TAF6L: variants seen among roughly 807,000 people sequenced by gnomAD.
The protein encoded by TAF6L is TATA-box binding protein associated factor 6 like.
Under a neutral mutation model 57.3 loss-of-function variants are expected in TAF6L, and 34 were observed. That is an observed-to-expected ratio of 0.59 (90% CI 0.45 to 0.79). TAF6L has a LOEUF of 0.79. Among genes scored for constraint, TAF6L ranks in the 30% least tolerant of loss-of-function variants. The pLI, the probability that TAF6L is intolerant of heterozygous loss-of-function variation, is 0.00. For synonymous variants in TAF6L, 417 were observed against 376.3 expected, an observed-to-expected ratio of 1.11 and a Z score of -1.25; for missense variants, 782 against 853.2, an observed-to-expected ratio of 0.92 and a Z score of 1.04.
At chr11:62,785,765 C>T (rs1419565357) in intron 9 of TAF6L, among the ~76,000 whole-genome samples, 1 of 148,550 alleles carries the variant, frequency 6.7e-6, no homozygotes, top group Non-Finnish European at 1.5e-5. Flanking sequence ...GAACTCCTGA[C>T]CTCAGGTGAT....
At chr11:62,771,722 G>C (rs1590931034) in intron 1 of TAF6L, 1 of 201,938 alleles carries the variant, frequency 5.0e-6, no homozygotes, top group East Asian at 1.4e-4. Flanking sequence ...CAGTTCCCAC[G>C]CCTCCTCTCC....
At chr11:62,778,411 C>T in intron 5 of TAF6L, 76 bp downstream of exon 5, 1 of 1,543,310 alleles carries the variant, frequency 6.5e-7, no homozygotes, top group Non-Finnish European at 8.9e-7. Flanking sequence ...CCTATGTGCC[C>T]CCGAGTCTGC....
In TAF6L at chr11:62,778,927, T is replaced by G. The variant is rs2084206864; in HGVS notation, c.495T>G (p.Thr165=). 6.2e-7 allele frequency: 1 copy of G among 1,613,984 alleles called. No homozygotes were observed. Among genetic ancestry groups the G allele is most frequent in the Admixed American group, 1.7e-5 (1 of 59,976 alleles). Residue 165 remains threonine, a synonymous_variant, in exon 6 of 11, where the codon ACT becomes ACG. Coordinates refer to ENST00000294168, the MANE Select transcript of TAF6L (RefSeq NM_006473.4). ...TTCTCAAGTACTATCACCAGGTGAC[T>G]CGTGCTGTGCTAGGGGATGATCCGC... ...DDLLKYYHQV[T]RAVLGDDPQL...
Position 62,786,378 on chromosome 11 carries a change from G to C in TAF6L, c.1079G>C (p.Gly360Ala). ...QVKADGHKVYGAILVAVERLL... is the reference protein window; with the variant it reads ...QVKADGHKVYAAILVAVERLL... ...AAAGCAGATGGACACAAAGTCTATG[G>C]AGCCATTCTGGTGAGTACCGTCCCC... Residue 360 changes from glycine to alanine, a missense_variant, in exon 10 of 11, where the codon GGA (glycine) becomes GCA (alanine). Physicochemically the swap from Gly to Ala is moderately conservative, Grantham distance 60. This residue lies in a region of TAF6L where 483 missense variants were observed against 445.1 expected (regional missense o/e 1.09). Transcript: ENST00000294168. The C allele has an allele frequency of 6.2e-7, 1 of 1,614,048 alleles. No homozygotes were observed. The highest frequency in any genetic ancestry group is 8.5e-7 in the Non-Finnish European group (1 of 1,179,934).
At chr11:62,780,100 C>G (rs1354058335) in intron 6 of TAF6L, among the ~76,000 whole-genome samples, 5 of 149,658 alleles carry the variant, frequency 3.3e-5, no homozygotes, top group African/African-American at 9.8e-5. Flanking sequence ...GGGCGGATCA[C>G]TTGAAGTCAG....
Position 62,786,908 on chromosome 11 carries a change from T to G in TAF6L, c.1481T>G (p.Val494Gly). 6.6e-7 allele frequency: 1 copy of G among 1,517,384 alleles called. No homozygotes were observed. Among genetic ancestry groups the G allele is most frequent in the Non-Finnish European group, 8.8e-7 (1 of 1,142,494 alleles). The allele number at this position is 1,517,384 out of a possible 1,614,324, so 94.0% of individuals were successfully genotyped here. The change falls in exon 11 of 11, where the codon GTC becomes GGC. Residue 494 changes from valine (V) to glycine (G), a missense_variant. Physicochemically the swap from Val to Gly is moderately radical, Grantham distance 109 (BLOSUM62 -3). This residue lies in a region of TAF6L where 483 missense variants were observed against 445.1 expected (regional missense o/e 1.09). Transcript: ENST00000294168. ...CCGCAGCTGACGGCAAGCGCCATAG[T>G]CAGCCCGCACGGCGACGAGAGCCCC... The part of the protein sequence containing the change: ...KMPQLTASAI[V>G]SPHGDESPRG...
At chr11:62,779,491 A>G (rs1462673772) in intron 6 of TAF6L, among the ~76,000 whole-genome samples, 2 of 151,594 alleles carry the variant, frequency 1.3e-5, no homozygotes, top group African/African-American at 4.9e-5. Context: ...CACCGTGCCC[A>G]GCCTTATATT....
rs746963714 is a variant in TAF6L at position 62,786,355 on chromosome 11, A to G, written c.1056A>G (p.Lys352=). Residue 352 remains lysine (K), a synonymous_variant, in exon 10 of 11, where the codon AAA becomes AAG. Coordinates refer to ENST00000294168, the MANE Select transcript of TAF6L (RefSeq NM_006473.4). ...ATTCAGTATCTAATGCCCAGGTCAA[A>G]GCAGATGGACACAAAGTCTATGGAG... ...DDYSVSNAQV[K]ADGHKVYGAI... 9 of 1,614,164 alleles carry G rather than the reference A, an allele frequency of 5.6e-6. No homozygotes were observed. In the South Asian group the frequency reaches 8.8e-5, roughly 16 times the overall value.
Position 62,786,267 on chromosome 11 carries a change from A to C in TAF6L, c.968A>C (p.Glu323Ala), listed in dbSNP as rs540884599. The change falls in exon 10 of 11, where the codon GAA becomes GCA. Residue 323 changes from glutamate to alanine, a missense_variant. Physicochemically the swap from Glu to Ala is moderately radical, Grantham distance 107 (BLOSUM62 -1). This residue lies in a region of TAF6L where 483 missense variants were observed against 445.1 expected (regional missense o/e 1.09). Coordinates refer to ENST00000294168, the MANE Select transcript of TAF6L (RefSeq NM_006473.4). Reference sequence around the variant, plus strand: ...TCCTTCTCTTCCTTCCAGGCAGTAGAACGAGTCCTGTACCCACACCTGTCC... The same window carrying C: ...TCCTTCTCTTCCTTCCAGGCAGTAGCACGAGTCCTGTACCCACACCTGTCC... The part of the protein sequence containing the change: ...GLHALGWKAV[E>A]RVLYPHLSTY... 9 of 1,612,200 alleles carry C rather than the reference A, an allele frequency of 5.6e-6. No homozygotes were observed. In the East Asian group the frequency reaches 2.0e-4, roughly 36 times the overall value.
intron 9 of TAF6L, among the ~76,000 whole-genome samples, chr11:62,783,590 A>G (rs1011116747): frequency 6.7e-6 from 1 of 149,392 alleles, no homozygotes; most frequent in Non-Finnish European, 1.5e-5. Context: ...GCTAGAGTAC[A>G]GTGGCATGAT....
At chr11:62,785,118 G>T (rs565144121) in intron 9 of TAF6L, among the ~76,000 whole-genome samples, 2 of 151,880 alleles carry the variant, frequency 1.3e-5, no homozygotes, top group Non-Finnish European at 2.9e-5. Flanking sequence ...GATTACAAGC[G>T]TGAGGCACTG....
rs1478874041 is a variant in TAF6L at position 62,778,312 on chromosome 11, G to A, written c.413G>A (p.Gly138Glu). ...RVHVSYLDGKGNLAPQGSVPS... is the reference protein window; with the variant it reads ...RVHVSYLDGKENLAPQGSVPS... ...CATGTCTCCTACCTGGATGGCAAAG[G>A]GAACCTGGCACCTCAAGGATCGGGT... Residue 138 changes from glycine (G) to glutamate (E), a missense_variant, in exon 5 of 11, where the codon GGG becomes GAG. By Grantham distance (98) the Gly-to-Glu change is moderately conservative. This residue lies in a region of TAF6L where 220 missense variants were observed against 252.1 expected (regional missense o/e 0.87). Transcript: ENST00000294168. The A allele has an allele frequency of 6.2e-7, 1 of 1,614,080 alleles. No homozygotes were observed. The highest frequency in any genetic ancestry group is 8.5e-7 in the Non-Finnish European group (1 of 1,180,050).
intron 3 of TAF6L, among the ~76,000 whole-genome samples, chr11:62,777,440 A>G (rs2084195911): frequency 6.6e-6 from 1 of 152,148 alleles, no homozygotes; most frequent in African/African-American, 2.4e-5. Flanking sequence ...TTCAGAAAAG[A>G]GGGAGAGGAG....
intron 6 of TAF6L, among the ~76,000 whole-genome samples, chr11:62,781,535 G>A (rs887652011): frequency 6.6e-6 from 1 of 151,914 alleles, no homozygotes; most frequent in Admixed American, 6.6e-5. Flanking sequence ...TTAGCCGGGT[G>A]TGGTGGCAGG....
chr11:62,774,580 C>T (rs1052685863), intron 1 of TAF6L: 30 of 454,464 alleles, frequency 6.6e-5, no homozygotes, highest in East Asian at 4.2e-4. Flanking sequence ...ATCACTTTGG[C>T]GCACGGGAGC....
intron 1 of TAF6L, among the ~76,000 whole-genome samples, chr11:62,775,240 A>T (rs914641256): frequency 6.6e-6 from 1 of 152,186 alleles, no homozygotes; most frequent in African/African-American, 2.4e-5. Flanking sequence ...AAAGCTCTTT[A>T]TAAAACCATT....
chr11:62,775,558 A>G, intron 1 of TAF6L: 1 of 526,932 alleles, frequency 1.9e-6, no homozygotes, highest in East Asian at 3.2e-5. Context: ...GTGAACCCCA[A>G]CACTTTGGAC....
At chr11:62,778,533 A>C in intron 5 of TAF6L, 198 bp downstream of exon 5, 1 of 655,792 alleles carries the variant, frequency 1.5e-6, no homozygotes, top group Non-Finnish European at 2.7e-6. Context: ...AACTAGTCAT[A>C]ATGCAGCATG....
chr11:62,785,723 T>G (rs907539341), intron 9 of TAF6L, among the ~76,000 whole-genome samples: 1 of 150,950 alleles, frequency 6.6e-6, no homozygotes, highest in Non-Finnish European at 1.5e-5. Flanking sequence ...TTAGTAGAGA[T>G]GGGGTTTCAC....
Sources: allele counts gnomAD v4.1 joint callset (sites outside exome capture counted in the v4.1 genomes callset), GRCh38; gene constraint gnomAD v4.1.1; regional missense constraint gnomAD v4.1.1; transcripts MANE v1.5; gene names NCBI Gene and HGNC (gene_info 2026-07-23, HGNC 2026-07-21).